Variants in GBP7 observed in about 807,000 individuals in gnomAD.
The protein encoded by GBP7 is guanylate binding protein 7.
Under a neutral mutation model 61.3 loss-of-function variants are expected in GBP7, and 43 were observed. The observed-to-expected ratio is 0.70, with a 90% CI of 0.55 to 0.91. The LOEUF (loss-of-function observed/expected upper bound fraction) is 0.91, where lower values mean the gene tolerates loss of function less well. Among genes scored for constraint, GBP7 ranks in the 40% least tolerant of loss-of-function variants. The pLI is 0.00. For missense variants in GBP7, 717 were observed against 740.5 expected, an observed-to-expected ratio of 0.97 and a Z score of 0.37; for synonymous variants, 267 against 271.0, an observed-to-expected ratio of 0.99 and a Z score of 0.14.
intron 2 of GBP7, among the ~76,000 whole-genome samples, chr1:89,169,643 TC>T (rs1234407725): frequency 6.6e-6 from 1 of 152,182 alleles, no homozygotes; most frequent in Non-Finnish European, 1.5e-5. Flanking sequence ...ACTGCTCTGT[TC>T]CTGAAGCTCT....
chr1:89,133,211 G>T, intron 10 of GBP7, 47 bp downstream of exon 10: 1 of 1,467,316 alleles, frequency 6.8e-7, no homozygotes, highest in South Asian at 1.2e-5. Flanking sequence ...CCTAAATGAG[G>T]AACTGGCATT....
intron 3 of GBP7, among the ~76,000 whole-genome samples, chr1:89,153,699 C>T (rs1210025079): frequency 1.3e-5 from 2 of 152,006 alleles, no homozygotes; most frequent in South Asian, 2.1e-4. Context: ...TAACTTCTGC[C>T]AGGAGTGGAA....
At chr1:89,168,814 A>AACAAC (rs1557466043) in intron 2 of GBP7, among the ~76,000 whole-genome samples, 49 of 147,314 alleles carry the variant, frequency 3.3e-4, no homozygotes, top group African/African-American at 1.2e-3. Context: ...ACAACAACAA[A>AACAAC]AAACGGTAGC....
At chr1:89,155,751 G>A (rs1486211104) in intron 3 of GBP7, among the ~76,000 whole-genome samples, 2 of 152,188 alleles carry the variant, frequency 1.3e-5, no homozygotes, top group African/African-American at 2.4e-5. Flanking sequence ...TGAAAGTGAT[G>A]GGGAGAATGG....
intron 9 of GBP7, among the ~76,000 whole-genome samples, chr1:89,136,462 T>C (rs1681804268): frequency 6.6e-6 from 1 of 152,106 alleles, no homozygotes; most frequent in African/African-American, 2.4e-5. Flanking sequence ...ATACCAATGC[T>C]GTCAGACCAC....
At chr1:89,152,015 G>C (rs1682212627) in intron 5 of GBP7, among the ~76,000 whole-genome samples, 1 of 152,038 alleles carries the variant, frequency 6.6e-6, no homozygotes, top group Non-Finnish European at 1.5e-5. Flanking sequence ...TATTTTTCAT[G>C]GTACTTATTG....
chr1:89,141,334 T>C (rs1342768347), intron 9 of GBP7, among the ~76,000 whole-genome samples: 2 of 152,182 alleles, frequency 1.3e-5, no homozygotes, highest in Non-Finnish European at 2.9e-5. Flanking sequence ...TCACTAGCCA[T>C]GTCAGCAAGA....
At chr1:89,150,875 G>A (rs1053806849) in intron 5 of GBP7, among the ~76,000 whole-genome samples, 9 of 152,142 alleles carry the variant, frequency 5.9e-5, no homozygotes, top group South Asian at 2.1e-4. Flanking sequence ...GTAGACTGAC[G>A]ATTTTTAAAA....
intron 3 of GBP7, among the ~76,000 whole-genome samples, chr1:89,157,725 C>CA (rs1238015576): frequency 0.017 from 2,340 of 141,810 alleles, 46 homozygotes; most frequent in African/African-American, 0.043. Flanking sequence ...GCCTCCCAAC[C>CA]AAAAAAAAAA....
intron 9 of GBP7, among the ~76,000 whole-genome samples, chr1:89,134,201 C>G (rs887939307): frequency 2.0e-5 from 3 of 152,222 alleles, no homozygotes; most frequent in African/African-American, 7.2e-5. Flanking sequence ...CAGATGGGCT[C>G]ACACCAGTGT....
Position 89,164,616 on chromosome 1 carries a change from C to A in GBP7, c.318+115G>T, listed in dbSNP as rs1570360331. On this transcript the variant is annotated intron_variant, in intron 3 of 10. Transcript: ENST00000294671. ...CAGAAAATGAAATTTAGCTTTGTTT[C>A]CCATAATCAGATTTGTGATTCAGGA... The A allele has an allele frequency of 4.7e-6, 5 of 1,055,316 alleles. No homozygotes were observed. The East Asian group carries it at 1.3e-4, about 28-fold the overall frequency. The allele number at this position is 1,055,316 out of a possible 1,614,324, so 65.4% of individuals were successfully genotyped here.
intron 5 of GBP7, among the ~76,000 whole-genome samples, chr1:89,151,756 T>C (rs1041262499): frequency 6.6e-6 from 1 of 152,108 alleles, no homozygotes; most frequent in African/African-American, 2.4e-5. Context: ...TTTTTTTTAA[T>C]TTCCTGAATC....
intron 8 of GBP7, among the ~76,000 whole-genome samples, chr1:89,143,184 A>G (rs1681992258): frequency 6.6e-6 from 1 of 152,160 alleles, no homozygotes; most frequent in South Asian, 2.1e-4. Flanking sequence ...ATTCTTGTCA[A>G]CACTTGGAAT....
At chr1:89,169,908 G>A (rs576852187) in intron 2 of GBP7, among the ~76,000 whole-genome samples, 34 of 152,260 alleles carry the variant, frequency 2.2e-4, no homozygotes, top group African/African-American at 7.5e-4. Flanking sequence ...CACTTGACAG[G>A]ATAATGCTAT....
At chr1:89,132,557 C>T (rs1312119627) in intron 10 of GBP7, among the ~76,000 whole-genome samples, 154 bp from the exon 11 acceptor site, 1 of 152,098 alleles carries the variant, frequency 6.6e-6, no homozygotes, top group African/African-American at 2.4e-5. Context: ...ATGACTGGAC[C>T]TAAATAAGGG....
chr1:89,161,754 T>A (rs972955681), intron 3 of GBP7, among the ~76,000 whole-genome samples: 2 of 152,224 alleles, frequency 1.3e-5, no homozygotes, highest in African/African-American at 4.8e-5. Flanking sequence ...TTTCTTTTGC[T>A]GTGCAGAAGC....
intron 9 of GBP7, among the ~76,000 whole-genome samples, chr1:89,141,181 C>T (rs1681935510): frequency 6.6e-6 from 1 of 150,798 alleles, no homozygotes; most frequent in South Asian, 2.1e-4. Context: ...ATTTGTGTAC[C>T]CTCTGGACCT....
chr1:89,163,743 C>A (rs1181529311), intron 3 of GBP7, among the ~76,000 whole-genome samples: 1 of 152,068 alleles, frequency 6.6e-6, no homozygotes, highest in African/African-American at 2.4e-5. Flanking sequence ...CTAGCTCACA[C>A]TATTCTAGAA....
chr1:89,171,699 G>A (rs1414139198), intron 2 of GBP7, 47 bp downstream of exon 2: 1 of 1,546,054 alleles, frequency 6.5e-7, no homozygotes, highest in Admixed American at 1.7e-5. Context: ...TACTGACTGT[G>A]TAACTGGACA....
Sources: allele counts gnomAD v4.1 joint callset (sites outside exome capture counted in the v4.1 genomes callset), GRCh38; gene constraint gnomAD v4.1.1; transcripts MANE v1.5; gene names NCBI Gene and HGNC (gene_info 2026-07-23, HGNC 2026-07-21).